Variants in TRIM33 observed in about 807,000 individuals in gnomAD.
TRIM33 encodes tripartite motif containing 33.
TRIM33 carries 20 observed loss-of-function variants against 125.4 expected under a neutral mutation model. The ratio of observed to expected loss-of-function variants is 0.16; its 90% CI spans 0.11 to 0.23. The LOEUF (loss-of-function observed/expected upper bound fraction) is 0.23, where lower values mean the gene tolerates loss of function less well. TRIM33 is among the 10% of genes least tolerant of loss of function. The pLI, the probability that TRIM33 is intolerant of heterozygous loss-of-function variation, is 1.00. For synonymous variants in TRIM33, 564 were observed against 513.9 expected (o/e 1.10, Z -1.32); for missense variants, 920 against 1,411.4 (o/e 0.65, Z 5.58).
In TRIM33 at chr1:114,511,005, G is replaced by C; in HGVS notation, c.72C>G (p.Ala24=). The C allele has an allele frequency of 7.5e-7, 1 of 1,328,468 alleles. No individual in the cohort carries two copies. The highest frequency in any genetic ancestry group is 9.6e-7 in the Non-Finnish European group (1 of 1,040,924). The allele number at this position is 1,328,468 out of a possible 1,614,324, so 82.3% of individuals were successfully genotyped here. Residue 24 remains alanine, a synonymous_variant, in exon 1 of 20, where the codon GCC becomes GCG. Coordinates refer to ENST00000358465, the MANE Select transcript of TRIM33 (RefSeq NM_015906.4). ...CCTGCGCGGCGGGCCCGGCGGCCCCGGCAGTTACCGGCGCGCTGCCGCTGC... is the reference window on the plus strand; with the variant it reads ...CCTGCGCGGCGGGCCCGGCGGCCCCCGCAGTTACCGGCGCGCTGCCGCTGC... ...GGGSGSAPVT[A]GAAGPAAQEA... is the part of the protein sequence containing the mutation.
At position 114,453,464 on chromosome 1, in the gene TRIM33, G is replaced by A. The variant is rs191273802; in HGVS notation, c.923+9640C>T. Among the ~76,000 whole-genome samples the A allele has an allele frequency of 1.4e-4, 21 of 152,286 alleles. 1 individual carries two copies. Among genetic ancestry groups the A allele is most frequent in the African/African-American group, 4.8e-4 (20 of 41,564 alleles). ...AGAAACCGCATGTACAAAGTTGGAGGGTTAGGTAGAGGGTTCTTGCTACTA... is the reference window on the plus strand; with the variant it reads ...AGAAACCGCATGTACAAAGTTGGAGAGTTAGGTAGAGGGTTCTTGCTACTA... On this transcript the variant is annotated intron_variant, in intron 4 of 19. Coordinates refer to ENST00000358465, the MANE Select transcript of TRIM33 (RefSeq NM_015906.4).
At chr1:114,494,285 A>G (rs1652243309) in intron 1 of TRIM33, among the ~76,000 whole-genome samples, 1 of 152,122 alleles carries the variant, frequency 6.6e-6, no homozygotes, top group East Asian at 1.9e-4. Context: ...GAAGATACCA[A>G]TATTTCTGCC....
In TRIM33 at chr1:114,395,804, C is replaced by G. The variant is rs535828466; in HGVS notation, c.*1844G>C. ...AAAGGAAGCCAGGAATAAAGTAAATCAATAGTAATAATAAAATCAATACTC... is the reference window on the plus strand; with the variant it reads ...AAAGGAAGCCAGGAATAAAGTAAATGAATAGTAATAATAAAATCAATACTC... On this transcript the variant is annotated 3_prime_UTR_variant, in exon 20 of 20. Transcript: ENST00000358465. The G allele has an allele frequency of 1.1e-4, 20 of 190,428 alleles. No individual in the cohort carries two copies. In the East Asian group the frequency reaches 1.7e-3, roughly 16 times the overall value. 11.8% of individuals were successfully genotyped at this position (190,428 alleles called of 1,614,324 possible).
At chr1:114,399,283 A>G (rs1651733085) in intron 18 of TRIM33, among the ~76,000 whole-genome samples, 174 bp downstream of exon 18, 1 of 152,118 alleles carries the variant, frequency 6.6e-6, no homozygotes, top group Non-Finnish European at 1.5e-5. Flanking sequence ...ATATACTCCA[A>G]ATTATACACA....
At chr1:114,401,175 T>C (rs977446897) in intron 17 of TRIM33, among the ~76,000 whole-genome samples, 2 of 152,104 alleles carry the variant, frequency 1.3e-5, no homozygotes, top group African/African-American at 4.8e-5. Flanking sequence ...TAGCTGGGAC[T>C]ACAGGTGCCC....
intron 1 of TRIM33, among the ~76,000 whole-genome samples, chr1:114,478,271 A>G (rs1017039572): frequency 4.6e-5 from 7 of 152,240 alleles, no homozygotes; most frequent in Admixed American, 4.6e-4. Context: ...CCATAAAAAC[A>G]GCAGCTTTGC....
intron 1 of TRIM33, among the ~76,000 whole-genome samples, chr1:114,499,920 G>A (rs188742820): frequency 7.9e-4 from 120 of 152,290 alleles, no homozygotes; most frequent in Non-Finnish European, 1.1e-3. Flanking sequence ...CAGCACTTTG[G>A]GAGGCCCAGG....
At chr1:114,504,173 TA>T (rs1011938075) in intron 1 of TRIM33, among the ~76,000 whole-genome samples, 27 of 152,190 alleles carry the variant, frequency 1.8e-4, no homozygotes, top group African/African-American at 6.3e-4. Flanking sequence ...TTATTTTTTT[TA>T]TTTTTTTAAA....
intron 11 of TRIM33, among the ~76,000 whole-genome samples, chr1:114,413,558 C>CA (rs34268626): frequency 0.13 from 5,405 of 40,676 alleles, 291 homozygotes; most frequent in Middle Eastern, 0.25. Flanking sequence ...AACTCCATCT[C>CA]AAAAAAAAAA....
rs1197737422 is a variant in TRIM33, at chr1:114,427,737, A to G, written c.1302+11T>C. 1.9e-6 allele frequency: 3 copies of G among 1,610,110 alleles called. No homozygotes were observed. The African/African-American group carries it at 4.0e-5, about 22-fold the overall frequency. ...TCCATTAAAGAAAAATAAAAACAGT[A>G]TGTGTCTCACCAGTCGCTTGCTGTA... On this transcript the variant is annotated intron_variant, in intron 7 of 19. Coordinates refer to ENST00000358465, the MANE Select transcript of TRIM33 (RefSeq NM_015906.4).
chr1:114,500,865 C>G (rs1652667686), intron 1 of TRIM33, among the ~76,000 whole-genome samples: 1 of 151,964 alleles, frequency 6.6e-6, no homozygotes, highest in Non-Finnish European at 1.5e-5. Context: ...TGACTTAAAA[C>G]AACAATAATT....
At position 114,393,731 on chromosome 1, in the gene TRIM33, T is replaced by G. The variant is rs1651402196; in HGVS notation, c.*3917A>C. The G allele has an allele frequency of 2.8e-5, 6 of 211,628 alleles. No individual in the cohort carries two copies. The East Asian group carries it at 4.3e-4, about 15-fold the overall frequency. 13.1% of individuals were successfully genotyped at this position (211,628 alleles called of 1,614,324 possible). A position where few individuals can be genotyped will look rare whatever the true frequency, so the allele number is the denominator to read the frequency against. On this transcript the variant is annotated 3_prime_UTR_variant, in exon 20 of 20. Transcript: ENST00000358465. ...TCTATGTAAACTGTGGCATATAAAT[T>G]TTTTTCCTTAAAAAAGTACCTTCAA...
intron 1 of TRIM33, among the ~76,000 whole-genome samples, chr1:114,483,085 A>G (rs113968895): frequency 0.063 from 9,543 of 152,200 alleles, 321 homozygotes; most frequent in African/African-American, 0.086. Flanking sequence ...TGGGAGGATC[A>G]CTTGAGACCA....
chr1:114,464,219 C>T, intron 2 of TRIM33, 51 bp downstream of exon 2: 1 of 957,514 alleles, frequency 1.0e-6, no homozygotes, highest in Non-Finnish European at 1.6e-6. Context: ...TTTCTTATAA[C>T]TTACAGTTTG....
At chr1:114,452,236 C>T (rs1186392432) in intron 4 of TRIM33, among the ~76,000 whole-genome samples, 3 of 151,932 alleles carry the variant, frequency 2.0e-5, no homozygotes, top group Non-Finnish European at 1.5e-5. Flanking sequence ...CACTGGTGGG[C>T]GGATCACGAG....
chr1:114,426,239 A>G (rs756915334), intron 8 of TRIM33, among the ~76,000 whole-genome samples: 4 of 152,162 alleles, frequency 2.6e-5, no homozygotes, highest in Admixed American at 2.6e-4. Flanking sequence ...ATTGCCTTCT[A>G]GGGATAGAAG....
intron 1 of TRIM33, among the ~76,000 whole-genome samples, chr1:114,508,830 T>G (rs142707713): frequency 1.4e-4 from 22 of 152,330 alleles, no homozygotes; most frequent in Non-Finnish European, 2.6e-4. Flanking sequence ...CTTTACACAT[T>G]TTATCTTACT....
At chr1:114,494,175 G>A (rs533746195) in intron 1 of TRIM33, among the ~76,000 whole-genome samples, 18 of 151,566 alleles carry the variant, frequency 1.2e-4, no homozygotes, top group Admixed American at 7.9e-4. Context: ...TTGCCCAAGC[G>A]AGTCTTGAAC....
Position 114,467,238 on chromosome 1 carries a change from T to C in TRIM33, c.527-2850A>G, listed in dbSNP as rs575258965. Among the ~76,000 whole-genome samples the C allele has an allele frequency of 9.2e-5, 14 of 152,322 alleles. No individual in the cohort carries two copies. The South Asian group carries it at 2.7e-3, about 29-fold the overall frequency. On this transcript the variant is annotated intron_variant, in intron 1 of 19. Transcript: ENST00000358465. ...CAATTGGACTTAATAAATGACTGTA[T>C]GATGAAGGAGTACTAAGAGTTACAA...
Sources: gnomAD v4.1 joint callset for allele counts (sites outside exome capture counted in the v4.1 genomes callset) on GRCh38, gnomAD v4.1.1 for gene constraint, MANE v1.5 for transcripts, NCBI Gene and HGNC (gene_info 2026-07-23, HGNC 2026-07-21) for gene names.